The following TUT7 variants were observed in gnomAD, a reference collection of about 807,000 sequenced individuals.
TUT7 encodes terminal uridylyltransferase 7.
In TUT7, 33 loss-of-function variants were observed where a neutral mutation model predicts 165.9. That is an observed-to-expected ratio of 0.20 (90% CI 0.15 to 0.27). The LOEUF (loss-of-function observed/expected upper bound fraction) is 0.27. Ranked by LOEUF, TUT7 falls within the 10% of genes least tolerant of loss-of-function variation. TUT7 has a pLI of 1.00. For synonymous variants in TUT7, 552 were observed against 608.1 expected (o/e 0.91, Z 1.36); for missense variants, 1,338 against 1,762.3 (o/e 0.76, Z 4.31).
intron 14 of TUT7, among the ~76,000 whole-genome samples, chr9:86,321,686 G>A (rs551992091): frequency 3.3e-5 from 5 of 151,660 alleles, no homozygotes; most frequent in Admixed American, 2.0e-4. Flanking sequence ...CTGATATTGC[G>A]CCACTGCATT....
chr9:86,295,368 T>C (rs1234228335), intron 26 of TUT7, among the ~76,000 whole-genome samples: 1 of 152,120 alleles, frequency 6.6e-6, no homozygotes, highest in African/African-American at 2.4e-5. Flanking sequence ...AGAAATTACA[T>C]GCTTTGCAAC....
At chr9:86,319,173 C>T in intron 15 of TUT7, 115 bp from the exon 16 acceptor site, 1 of 657,990 alleles carries the variant, frequency 1.5e-6, no homozygotes, top group Non-Finnish European at 2.5e-6. Context: ...CTATATTAAT[C>T]TCATACTTAT....
In TUT7 at chr9:86,309,403, G is replaced by A. The variant is rs1827815243; in HGVS notation, c.3582+60C>T. 5 of 1,498,976 alleles carry A rather than the reference G, an allele frequency of 3.3e-6. No individual in the cohort carries two copies. In the East Asian group the frequency reaches 6.8e-5, roughly 20 times the overall value. 92.9% of individuals were successfully genotyped at this position (1,498,976 alleles called of 1,614,324 possible). Reference sequence around the variant, plus strand: ...ACAGAACCACAGAATTTTAGAGGAGGAGAAAGGCTCAGAGATCACCAGTTT... The same window carrying A: ...ACAGAACCACAGAATTTTAGAGGAGAAGAAAGGCTCAGAGATCACCAGTTT... On this transcript the variant is annotated intron_variant, in intron 20 of 26. Coordinates refer to ENST00000375963, the MANE Select transcript of TUT7 (RefSeq NM_024617.4).
At chr9:86,343,884 G>C (rs927649509) in intron 5 of TUT7, among the ~76,000 whole-genome samples, 1 of 152,022 alleles carries the variant, frequency 6.6e-6, no homozygotes, top group African/African-American at 2.4e-5. Flanking sequence ...TTCTCATCAG[G>C]GGTTGGTTTT....
chr9:86,349,084 T>C (rs1453654794), intron 2 of TUT7, among the ~76,000 whole-genome samples: 1 of 151,730 alleles, frequency 6.6e-6, no homozygotes, highest in African/African-American at 2.4e-5. Context: ...TTCGAGACCA[T>C]CCTGGCCAAC....
rs778335133 is a variant in TUT7 at position 86,303,112 on chromosome 9, G to C, written c.4068C>G (p.Phe1356Leu). 6.2e-7 allele frequency: 1 copy of C among 1,606,974 alleles called. No individual in the cohort carries two copies. Among genetic ancestry groups the C allele is most frequent in the Non-Finnish European group, 8.5e-7 (1 of 1,175,418 alleles). ...TTCTCCTCATAGGACAGTCCTTCATGAAGTGTCCGATTTTTCCACAAATTC... is the reference window on the plus strand; with the variant it reads ...TTCTCCTCATAGGACAGTCCTTCATCAAGTGTCCGATTTTTCCACAAATTC... ...CCRICGKIGH[F>L]MKDCPMRRKV... The change falls in exon 25 of 27, where the codon TTC becomes TTG. Residue 1356 changes from phenylalanine to leucine, a missense_variant. Coordinates refer to ENST00000375963, the MANE Select transcript of TUT7 (RefSeq NM_024617.4).
At chr9:86,317,306 C>T (rs1828811868) in intron 16 of TUT7, 30 bp from the exon 17 acceptor site, 2 of 1,591,554 alleles carry the variant, frequency 1.3e-6, no homozygotes, top group South Asian at 1.1e-5. Flanking sequence ...AAGAACTTAA[C>T]CAAAACTGGA....
At position 86,311,784 on chromosome 9, in the gene TUT7, T is replaced by C. The variant is rs2131362815; in HGVS notation, c.3275-975A>G. Among the ~76,000 whole-genome samples the C allele has an allele frequency of 6.6e-6, 1 of 152,296 alleles. No individual in the cohort carries two copies. The highest frequency in any genetic ancestry group is 2.1e-4 in the South Asian group (1 of 4,820). ...GCAGGTGCGCGCCGCCACGCCTGACTGGTTTTCGTATTTTTTTGGTGGAGA... is the reference window on the plus strand; with the variant it reads ...GCAGGTGCGCGCCGCCACGCCTGACCGGTTTTCGTATTTTTTTGGTGGAGA... On this transcript the variant is annotated intron_variant, in intron 17 of 26. Transcript: ENST00000375963. This position sits in a 1 kb window ranked among gnomAD's most constrained non-coding sequence, Gnocchi z 4.4.
At chr9:86,313,712 A>T (rs1056671586) in intron 17 of TUT7, among the ~76,000 whole-genome samples, 3 of 152,192 alleles carry the variant, frequency 2.0e-5, no homozygotes, top group African/African-American at 7.2e-5. Flanking sequence ...ATCAACAACC[A>T]TGAAAAAGGA....
At chr9:86,342,017 C>A (rs1370171559) in intron 6 of TUT7, among the ~76,000 whole-genome samples, 1 of 152,094 alleles carries the variant, frequency 6.6e-6, no homozygotes, top group East Asian at 1.9e-4. Flanking sequence ...ATTAATGACA[C>A]CGGATCAAAA....
intron 10 of TUT7, among the ~76,000 whole-genome samples, chr9:86,329,834 C>T (rs1377911431): frequency 6.6e-6 from 1 of 152,056 alleles, no homozygotes; most frequent in Non-Finnish European, 1.5e-5. Context: ...GCTTAAAATG[C>T]TCTTCCCCCT....
chr9:86,290,569 C>T (rs1025083798), intron 26 of TUT7, among the ~76,000 whole-genome samples: 6 of 151,422 alleles, frequency 4.0e-5, no homozygotes, highest in East Asian at 1.9e-4. Flanking sequence ...TTCAGCCAGG[C>T]GGTGGCTCAT....
At chr9:86,288,854 A>C (rs1173637266) in intron 26 of TUT7, 110 bp from the exon 27 acceptor site, 3 of 718,836 alleles carry the variant, frequency 4.2e-6, no homozygotes, top group Non-Finnish European at 7.0e-6. Context: ...TCATACTAGA[A>C]TTGGTCACTT....
At chr9:86,322,039 A>ACACT (rs1211003856) in intron 14 of TUT7, among the ~76,000 whole-genome samples, 4 of 152,052 alleles carry the variant, frequency 2.6e-5, no homozygotes, top group Non-Finnish European at 4.4e-5. Flanking sequence ...TTGCTCTGCT[A>ACACT]CACTCCAGTC....
At chr9:86,332,104 TG>T (rs1229259495) in intron 10 of TUT7, among the ~76,000 whole-genome samples, 1 of 152,140 alleles carries the variant, frequency 6.6e-6, no homozygotes, top group African/African-American at 2.4e-5. Flanking sequence ...TACCAGATGC[TG>T]GCAAGGTTGC....
intron 12 of TUT7, chr9:86,324,574 T>A (rs576882809): frequency 6.6e-6 from 1 of 152,152 alleles, no homozygotes; most frequent in Non-Finnish European, 1.5e-5. Flanking sequence ...GCACACAGAA[T>A]TTATGCAAAA....
In TUT7 at chr9:86,353,018, T is replaced by G. The variant is rs749386390; in HGVS notation, c.182A>C (p.Tyr61Ser). The change falls in exon 2 of 27, where the codon TAT (tyrosine) becomes TCT (serine). Residue 61 changes from tyrosine to serine, a missense_variant. Transcript: ENST00000375963. ...LQKKKITPGN[Y>S]GNTPRKGPCA... ...TGGTCCTTTTCTGGGGGTATTCCCA[T>G]AGTTCCCTGGTGTTATCTTCTTTTT... is the stretch of plus-strand genomic sequence containing the variant. The G allele has an allele frequency of 6.2e-7, 1 of 1,614,226 alleles. No individual in the cohort carries two copies. The highest frequency in any genetic ancestry group is 1.1e-5 in the South Asian group (1 of 91,084).
intron 26 of TUT7, among the ~76,000 whole-genome samples, chr9:86,300,099 A>C (rs1363389625): frequency 1.3e-5 from 2 of 152,226 alleles, no homozygotes; most frequent in East Asian, 1.9e-4. Flanking sequence ...CAACAAAAGA[A>C]AATCACTTTA....
chr9:86,321,536 C>CGT, intron 14 of TUT7, among the ~76,000 whole-genome samples: 2 of 152,188 alleles, frequency 1.3e-5, no homozygotes, highest in East Asian at 3.9e-4. Context: ...TGAGACCAGC[C>CGT]TGGCCAACGT....
Sources: gnomAD v4.1 joint callset for allele counts (sites outside exome capture counted in the v4.1 genomes callset) on GRCh38, gnomAD v4.1.1 for gene constraint, Gnocchi (gnomAD v3.1) non-coding constraint, MANE v1.5 for transcripts, NCBI Gene and HGNC (gene_info 2026-07-23, HGNC 2026-07-21) for gene names.